Variants in CTNNA3 observed in about 807,000 individuals in gnomAD.
CTNNA3 encodes the protein catenin alpha-3.
In CTNNA3, 76 loss-of-function variants were observed where a neutral mutation model predicts 95.7. The ratio of observed to expected loss-of-function variants is 0.79; its 90% CI spans 0.66 to 0.96. The LOEUF is 0.96. Among genes scored for constraint, CTNNA3 ranks in the 40% least tolerant of loss-of-function variants. The pLI, the probability that CTNNA3 is intolerant of heterozygous loss-of-function variation, is 0.00. For missense variants in CTNNA3, 1,191 were observed against 1,089.8 expected (o/e 1.09, Z -1.31); for synonymous variants, 431 against 374.4 (o/e 1.15, Z -1.74).
At chr10:67,530,241 G>C (rs550113327) in intron 4 of CTNNA3, among the ~76,000 whole-genome samples, 1 of 152,344 alleles carries the variant, frequency 6.6e-6, no homozygotes, top group Admixed American at 6.5e-5. Flanking sequence ...TTGGGAACTG[G>C]GTAACAGGCA....
intron 13 of CTNNA3, among the ~76,000 whole-genome samples, chr10:66,255,602 C>A (rs1418769493): frequency 1.3e-5 from 2 of 152,142 alleles, no homozygotes; most frequent in African/African-American, 2.4e-5. Flanking sequence ...TTTACCTACA[C>A]CCTTTCCATC....
At chr10:66,990,062 C>T (rs1385210819) in intron 7 of CTNNA3, among the ~76,000 whole-genome samples, 2 of 152,168 alleles carry the variant, frequency 1.3e-5, no homozygotes, top group Non-Finnish European at 2.9e-5. Flanking sequence ...AGAAGCTCAT[C>T]TCACTATGAG....
intron 7 of CTNNA3, among the ~76,000 whole-genome samples, chr10:66,874,550 T>C (rs534578275): frequency 1.8e-4 from 28 of 152,190 alleles, no homozygotes; most frequent in Non-Finnish European, 3.4e-4. Context: ...GTATTATATT[T>C]AAACATGTAT....
chr10:67,117,888 G>C (rs191883830), intron 7 of CTNNA3, among the ~76,000 whole-genome samples: 143 of 152,100 alleles, frequency 9.4e-4, no homozygotes, highest in African/African-American at 3.3e-3. Flanking sequence ...GAATAATATG[G>C]AAGCACATTT....
chr10:67,107,441 C>T (rs1218683881), intron 7 of CTNNA3, among the ~76,000 whole-genome samples: 2 of 152,168 alleles, frequency 1.3e-5, no homozygotes, highest in Non-Finnish European at 2.9e-5. Context: ...CAGGCAATGG[C>T]ATTAATTTCA....
chr10:66,852,699 A>G (rs1027950916), intron 7 of CTNNA3, among the ~76,000 whole-genome samples: 1 of 152,148 alleles, frequency 6.6e-6, no homozygotes, highest in Admixed American at 6.6e-5. Flanking sequence ...AGTGAAATTG[A>G]TCATTTCAAT....
At chr10:66,897,096 T>C (rs1026077673) in intron 7 of CTNNA3, among the ~76,000 whole-genome samples, 1 of 152,308 alleles carries the variant, frequency 6.6e-6, no homozygotes, top group South Asian at 2.1e-4. Context: ...TTACCCATCC[T>C]GAATCCTGAT....
chr10:66,841,563 A>C (rs1843067013), intron 7 of CTNNA3, among the ~76,000 whole-genome samples: 1 of 152,182 alleles, frequency 6.6e-6, no homozygotes, highest in South Asian at 2.1e-4. Flanking sequence ...ATTACAATAA[A>C]AATAGCATTA....
intron 9 of CTNNA3, among the ~76,000 whole-genome samples, chr10:66,634,938 T>G (rs1845283733): frequency 6.6e-6 from 1 of 152,094 alleles, no homozygotes; most frequent in Non-Finnish European, 1.5e-5. Context: ...ATGAGAAATA[T>G]ATGTTACATA....
At chr10:66,083,119 G>C (rs1047086561) in intron 14 of CTNNA3, among the ~76,000 whole-genome samples, 1 of 151,954 alleles carries the variant, frequency 6.6e-6, no homozygotes, top group Non-Finnish European at 1.5e-5. Context: ...ATTATCCTAT[G>C]ATCACAGATA....
intron 7 of CTNNA3, among the ~76,000 whole-genome samples, chr10:66,910,038 G>T (rs912570775): frequency 5.3e-5 from 8 of 152,084 alleles, no homozygotes; most frequent in Non-Finnish European, 1.2e-4. Flanking sequence ...GTTTATAAAA[G>T]TGCTTATGAG....
intron 9 of CTNNA3, among the ~76,000 whole-genome samples, chr10:66,765,191 A>G (rs1839793397): frequency 6.6e-6 from 1 of 152,142 alleles, no homozygotes; most frequent in South Asian, 2.1e-4. Flanking sequence ...TGCTAGCTGC[A>G]TTGGAAACCT....
intron 12 of CTNNA3, among the ~76,000 whole-genome samples, chr10:66,317,566 G>A (rs10997056): frequency 0.096 from 14,537 of 151,770 alleles, 980 homozygotes; most frequent in East Asian, 0.23. Flanking sequence ...CCAGCTACTC[G>A]GGAGGCTGAG....
At chr10:66,375,699 T>C (rs968009157) in intron 12 of CTNNA3, among the ~76,000 whole-genome samples, 6 of 152,194 alleles carry the variant, frequency 3.9e-5, no homozygotes, top group Non-Finnish European at 7.3e-5. Flanking sequence ...TTAAAGTTTT[T>C]TCAAACTACG....
chr10:66,013,583 C>T (rs1198669873), intron 15 of CTNNA3, among the ~76,000 whole-genome samples: 2 of 152,152 alleles, frequency 1.3e-5, no homozygotes, highest in East Asian at 3.9e-4. Flanking sequence ...AATGTTTCTG[C>T]AAGAGGCTTT....
At chr10:66,660,042 A>C (rs1846208129) in intron 9 of CTNNA3, among the ~76,000 whole-genome samples, 1 of 152,048 alleles carries the variant, frequency 6.6e-6, no homozygotes, top group Non-Finnish European at 1.5e-5. Context: ...GGATGGTCTC[A>C]AACTCCTGGT....
intron 1 of CTNNA3, among the ~76,000 whole-genome samples, chr10:67,657,813 C>T (rs1203415406): frequency 1.4e-5 from 2 of 143,008 alleles, no homozygotes; most frequent in Non-Finnish European, 3.0e-5. Flanking sequence ...CGCCATTGCA[C>T]TCCAGCCTGG....
chr10:67,144,790 A>C (rs1211284385), intron 7 of CTNNA3, among the ~76,000 whole-genome samples: 7 of 152,064 alleles, frequency 4.6e-5, no homozygotes, highest in African/African-American at 1.7e-4. Flanking sequence ...TTTTTTAATC[A>C]TTTGCATGTT....
intron 6 of CTNNA3, among the ~76,000 whole-genome samples, chr10:67,198,231 T>G: frequency 6.6e-6 from 1 of 152,164 alleles, no homozygotes; most frequent in Non-Finnish European, 1.5e-5. Context: ...GTGATATCCT[T>G]TAGGTATCTA....
Sources: allele counts gnomAD v4.1 joint callset (sites outside exome capture counted in the v4.1 genomes callset), GRCh38; gene constraint gnomAD v4.1.1; transcripts MANE v1.5; gene names NCBI Gene and HGNC (gene_info 2026-07-23, HGNC 2026-07-21).